Variants in SPATS1 observed in about 807,000 individuals in gnomAD.
SPATS1 encodes spermatogenesis-associated serine-rich protein 1.
A neutral mutation model predicts 33.6 loss-of-function variants in SPATS1; 23 were observed. The ratio of observed to expected loss-of-function variants is 0.68; its 90% CI spans 0.49 to 0.97. SPATS1 has a LOEUF of 0.97. Among genes scored for constraint, SPATS1 ranks in the 50% least tolerant of loss-of-function variants. The pLI, the probability that SPATS1 is intolerant of heterozygous loss-of-function variation, is 0.00. For synonymous variants in SPATS1, 131 were observed against 125.6 expected (o/e 1.04, Z -0.29); for missense variants, 327 against 361.0 (o/e 0.91, Z 0.76).
chr6:44,347,238 G>C (rs1247323728), intron 2 of SPATS1, among the ~76,000 whole-genome samples: 2 of 152,140 alleles, frequency 1.3e-5, no homozygotes, highest in Non-Finnish European at 2.9e-5. Context: ...GTTGGGGGAG[G>C]GGAGAAGGAT....
At chr6:44,361,703 G>A (rs1788931109) in intron 4 of SPATS1, 128 bp from the exon 5 acceptor site, 2 of 1,310,862 alleles carry the variant, frequency 1.5e-6, no homozygotes, top group Non-Finnish European at 2.1e-6. Flanking sequence ...GTAGAACCAA[G>A]GGATTATACA....
At chr6:44,370,939 C>A (rs926422456) in intron 7 of SPATS1, among the ~76,000 whole-genome samples, 2 of 151,838 alleles carry the variant, frequency 1.3e-5, no homozygotes, top group African/African-American at 4.8e-5. Context: ...CATGTATAAA[C>A]CCCAGAATAC....
At chr6:44,367,235 G>A (rs1257978112) in intron 5 of SPATS1, among the ~76,000 whole-genome samples, 2 of 152,136 alleles carry the variant, frequency 1.3e-5, no homozygotes, top group Non-Finnish European at 2.9e-5. Flanking sequence ...TTACTGGCGT[G>A]TGCCACCACA....
intron 6 of SPATS1, 46 bp from the exon 7 acceptor site, chr6:44,370,005 C>A: frequency 7.0e-7 from 1 of 1,425,652 alleles, no homozygotes; most frequent in Non-Finnish European, 9.9e-7. Flanking sequence ...GATCTCTTTG[C>A]TGTAGATGGC....
chr6:44,379,531 C>G lies in SPATS1; in HGVS notation c.*2468C>G, dbSNP rs1296844523. On this transcript the variant is annotated 3_prime_UTR_variant, in exon 9 of 9. Coordinates refer to ENST00000674044, the MANE Select transcript of SPATS1 (RefSeq NM_001372081.1). The stretch of plus-strand genomic sequence containing the variant: ...AGGAGAATGGTGTCAACCTGGGAGG[C>G]GGAGCTTGCAGTGACCCAAGATTGT... 7.9e-6 allele frequency among the ~76,000 whole-genome samples: 1 copy of G among 126,220 alleles called. No homozygotes were observed. Among genetic ancestry groups the G allele is most frequent in the Non-Finnish European group, 1.6e-5 (1 of 63,100 alleles). 82.8% of individuals were successfully genotyped at this position (126,220 alleles called of 152,430 possible).
At position 44,361,692 on chromosome 6, in the gene SPATS1, T is replaced by A. The variant is rs541134300; in HGVS notation, c.413-139T>A. ...CCACAGAGTTTCACACTGTCTCTGATGTAGAACCAAGGGATTATACACATT... is the reference window on the plus strand; with the variant it reads ...CCACAGAGTTTCACACTGTCTCTGAAGTAGAACCAAGGGATTATACACATT... On this transcript the variant is annotated intron_variant, in intron 4 of 8. Coordinates refer to ENST00000674044, the MANE Select transcript of SPATS1 (RefSeq NM_001372081.1). The A allele has an allele frequency of 1.6e-5, 21 of 1,274,464 alleles. No homozygotes were observed. The African/African-American group carries it at 2.1e-4, about 13-fold the overall frequency. The allele number at this position is 1,274,464 out of a possible 1,614,324, so 78.9% of individuals were successfully genotyped here.
At chr6:44,346,825 C>T (rs1787916695) in intron 2 of SPATS1, among the ~76,000 whole-genome samples, 1 of 152,102 alleles carries the variant, frequency 6.6e-6, no homozygotes, top group South Asian at 2.1e-4. Context: ...GGCAATTCCT[C>T]AAGGATCTAG....
Position 44,360,085 on chromosome 6 carries a change from T to C in SPATS1, c.288-361T>C, listed in dbSNP as rs1788816924. 2.0e-5 allele frequency among the ~76,000 whole-genome samples: 3 copies of C among 152,314 alleles called. No homozygotes were observed. The South Asian group carries it at 6.2e-4, about 32-fold the overall frequency. On this transcript the variant is annotated intron_variant, in intron 3 of 8. Transcript: ENST00000674044. Reference sequence around the variant, plus strand: ...CTAGAAACAGAATTACTGAGTCTTATGGTAATTCTGTGTTCAACTTTTTGA... The same window carrying C: ...CTAGAAACAGAATTACTGAGTCTTACGGTAATTCTGTGTTCAACTTTTTGA...
chr6:44,343,866 G>A (rs1787715437), intron 2 of SPATS1, among the ~76,000 whole-genome samples: 1 of 152,252 alleles, frequency 6.6e-6, no homozygotes, highest in Middle Eastern at 3.4e-3. Flanking sequence ...TGGGTGAGTG[G>A]CCTGAGTGCT....
At chr6:44,352,693 A>G in intron 2 of SPATS1, 33 bp from the exon 3 acceptor site, 1 of 1,596,292 alleles carries the variant, frequency 6.3e-7, no homozygotes, top group Non-Finnish European at 8.6e-7. Context: ...ATTTTCAATA[A>G]TGTAATTAAA....
intron 7 of SPATS1, among the ~76,000 whole-genome samples, chr6:44,371,048 C>A (rs931304883): frequency 6.6e-6 from 1 of 150,622 alleles, no homozygotes; most frequent in Admixed American, 6.6e-5. Context: ...AATCCCAGCA[C>A]TTTGGGAGGC....
At chr6:44,364,911 TC>T (rs1208000098) in intron 5 of SPATS1, among the ~76,000 whole-genome samples, 1 of 152,022 alleles carries the variant, frequency 6.6e-6, no homozygotes, top group African/African-American at 2.4e-5. Context: ...AATTCTCATG[TC>T]TCAGCCTCCT....
At chr6:44,376,593 A>C in intron 8 of SPATS1, 120 bp downstream of exon 8, 1 of 638,364 alleles carries the variant, frequency 1.6e-6, no homozygotes, top group Non-Finnish European at 2.7e-6. Flanking sequence ...CAAGGTCAGG[A>C]GTTCAAGACA....
At chr6:44,365,893 T>C (rs1789214411) in intron 5 of SPATS1, among the ~76,000 whole-genome samples, 2 of 152,352 alleles carry the variant, frequency 1.3e-5, no homozygotes, top group Middle Eastern at 3.4e-3. Context: ...CAGCTATTGA[T>C]ACATAGTGGC....
chr6:44,346,280 C>CAAA (rs3997539), intron 2 of SPATS1, among the ~76,000 whole-genome samples: 85,264 of 144,266 alleles, frequency 0.59, 26,129 homozygotes, highest in Middle Eastern at 0.72. Flanking sequence ...GACCCTGTCT[C>CAAA]AAAAAAAAAA....
chr6:44,360,093 C>T (rs1342652659), intron 3 of SPATS1, among the ~76,000 whole-genome samples: 1 of 152,086 alleles, frequency 6.6e-6, no homozygotes, highest in East Asian at 1.9e-4. Context: ...TATGGTAATT[C>T]TGTGTTCAAC....
intron 3 of SPATS1, among the ~76,000 whole-genome samples, chr6:44,353,615 A>T (rs1038722387): frequency 6.6e-6 from 1 of 152,180 alleles, no homozygotes; most frequent in Non-Finnish European, 1.5e-5. Flanking sequence ...TTTGTGTTTT[A>T]TGTACTTTCC....
At chr6:44,370,999 G>A (rs997713378) in intron 7 of SPATS1, among the ~76,000 whole-genome samples, 2 of 120,232 alleles carry the variant, frequency 1.7e-5, no homozygotes, top group African/African-American at 6.0e-5. Context: ...TTTTTTTCTT[G>A]AAGTACAAAG....
rs1217944775 is a variant in SPATS1 at position 44,372,248 on chromosome 6, A to G, written c.758+2135A>G. Reference sequence around the variant, plus strand: ...CAGCCTGGCGACAGAGTGAGACTCCATCTCAAAAAAAAAAAAAAAAGATTT... The same window carrying G: ...CAGCCTGGCGACAGAGTGAGACTCCGTCTCAAAAAAAAAAAAAAAAGATTT... On this transcript the variant is annotated intron_variant, in intron 7 of 8. Coordinates refer to ENST00000674044, the MANE Select transcript of SPATS1 (RefSeq NM_001372081.1). 2.2e-5 allele frequency among the ~76,000 whole-genome samples: 3 copies of G among 138,746 alleles called. No individual in the cohort carries two copies. The East Asian group carries it at 6.2e-4, about 29-fold the overall frequency. 91.0% of individuals were successfully genotyped at this position (138,746 alleles called of 152,430 possible).
Sources: gnomAD v4.1 joint callset for allele counts (sites outside exome capture counted in the v4.1 genomes callset) on GRCh38, gnomAD v4.1.1 for gene constraint, MANE v1.5 for transcripts, NCBI Gene and HGNC (gene_info 2026-07-23, HGNC 2026-07-21) for gene names.